MARCHF2: variants seen among roughly 807,000 people sequenced by gnomAD.
MARCHF2 encodes E3 ubiquitin-protein ligase MARCHF2.
In MARCHF2, 22 loss-of-function variants were observed where a neutral mutation model predicts 24.0. That is an observed-to-expected ratio of 0.92 (90% CI 0.66 to 1.31). The LOEUF (loss-of-function observed/expected upper bound fraction) is 1.31, where lower values mean the gene tolerates loss of function less well. Among genes scored for constraint, MARCHF2 ranks in the 50% most tolerant of loss-of-function variants. The pLI, the probability that MARCHF2 is intolerant of heterozygous loss-of-function variation, is 0.00. For synonymous variants in MARCHF2, 154 were observed against 153.0 expected, an observed-to-expected ratio of 1.01 and a Z score of -0.05; for missense variants, 301 against 335.3, an observed-to-expected ratio of 0.90 and a Z score of 0.80.
At position 8,430,968 on chromosome 19, in the gene MARCHF2, G is replaced by A. The variant is rs930120879; in HGVS notation, c.582+101G>A. ...GGCTTGTGGGGCACGGGGCTCCCTG[G>A]CTGCCTCTGTCTATGGCCGTGGGTG... On this transcript the variant is annotated intron_variant, in intron 4 of 4. Coordinates refer to ENST00000215555, the MANE Select transcript of MARCHF2 (RefSeq NM_001005415.2). This position sits in a 1 kb window ranked among gnomAD's most constrained non-coding sequence, Gnocchi z 4.4. 15 of 1,233,806 alleles carry A rather than the reference G, an allele frequency of 1.2e-5. No individual in the cohort carries two copies. The South Asian group carries it at 1.6e-4, about 13-fold the overall frequency. 76.4% of individuals were successfully genotyped at this position (1,233,806 alleles called of 1,614,324 possible).
chr19:8,427,090 C>T (rs1330660220), intron 3 of MARCHF2, among the ~76,000 whole-genome samples: 1 of 152,072 alleles, frequency 6.6e-6, no homozygotes, highest in South Asian at 2.1e-4. Context: ...AACTCTTGTC[C>T]AGGCTGGAGT....
intron 1 of MARCHF2, among the ~76,000 whole-genome samples, chr19:8,421,235 G>A (rs556369431): frequency 6.6e-6 from 1 of 150,926 alleles, no homozygotes; most frequent in Middle Eastern, 3.2e-3. Flanking sequence ...CGATTGTCCC[G>A]CCTCAGCCTC....
chr19:8,422,371 G>A (rs925509066), intron 2 of MARCHF2, among the ~76,000 whole-genome samples: 4 of 152,012 alleles, frequency 2.6e-5, no homozygotes, highest in Admixed American at 1.3e-4. Context: ...AGAGTGACCT[G>A]GGACAAATTA....
At chr19:8,434,459 T>G (rs777659205) in intron 4 of MARCHF2, among the ~76,000 whole-genome samples, 2 of 143,272 alleles carry the variant, frequency 1.4e-5, no homozygotes, top group Non-Finnish European at 3.1e-5. Context: ...GTTTTCATTT[T>G]GCTGGTGTTC....
intron 4 of MARCHF2, among the ~76,000 whole-genome samples, chr19:8,433,611 T>C (rs1967635838): frequency 6.9e-6 from 1 of 144,930 alleles, no homozygotes; most frequent in Non-Finnish European, 1.5e-5. Flanking sequence ...GGGAGGCAGA[T>C]GTTGCAGTGA....
At chr19:8,419,894 C>T (rs1330816893) in intron 1 of MARCHF2, among the ~76,000 whole-genome samples, 1 of 149,484 alleles carries the variant, frequency 6.7e-6, no homozygotes, top group Non-Finnish European at 1.5e-5. Context: ...CGCAGTGGCT[C>T]ACACCTGTAA....
chr19:8,426,526 G>A, intron 2 of MARCHF2, 83 bp from the exon 3 acceptor site: 1 of 1,144,894 alleles, frequency 8.7e-7, no homozygotes, highest in Non-Finnish European at 1.3e-6. Flanking sequence ...TGGGGTAAGG[G>A]TGAGCTTGTG....
intron 1 of MARCHF2, among the ~76,000 whole-genome samples, chr19:8,415,560 A>G (rs1420504813): frequency 6.6e-6 from 1 of 151,436 alleles, no homozygotes; most frequent in African/African-American, 2.4e-5. Flanking sequence ...CTCTACTAAA[A>G]ATACAAATAA....
chr19:8,420,383 A>G (rs1362270223), intron 1 of MARCHF2, among the ~76,000 whole-genome samples: 1 of 149,380 alleles, frequency 6.7e-6, no homozygotes, highest in Non-Finnish European at 1.5e-5. Context: ...TAAAAATACA[A>G]AAACTAGCCA....
Position 8,421,770 on chromosome 19 carries a change from C to T in MARCHF2, c.-52-19C>T, listed in dbSNP as rs546366962. ...GCTCATTAACCTTGCCCCTAACCTCCGCACTGGCCTGTTCCCAGGCTCCTG... is the reference window on the plus strand; with the variant it reads ...GCTCATTAACCTTGCCCCTAACCTCTGCACTGGCCTGTTCCCAGGCTCCTG... On this transcript the variant is annotated intron_variant, in intron 1 of 4. Coordinates refer to ENST00000215555, the MANE Select transcript of MARCHF2 (RefSeq NM_001005415.2). 327 of 1,442,488 alleles carry T rather than the reference C, an allele frequency of 2.3e-4. 1 individual carries two copies. In the African/African-American group the frequency reaches 3.0e-3, roughly 13 times the overall value. 89.4% of individuals were successfully genotyped at this position (1,442,488 alleles called of 1,614,324 possible). A position where few individuals can be genotyped will look rare whatever the true frequency, so the allele number is the denominator to read the frequency against.
intron 4 of MARCHF2, among the ~76,000 whole-genome samples, chr19:8,436,354 C>T (rs1356381122): frequency 6.6e-6 from 1 of 151,822 alleles, no homozygotes; most frequent in Admixed American, 6.6e-5. Flanking sequence ...AGGATGGTCT[C>T]GATCTCTTGA....
At chr19:8,431,052 A>G (rs1599714058) in intron 4 of MARCHF2, among the ~76,000 whole-genome samples, 185 bp downstream of exon 4, 2 of 152,274 alleles carry the variant, frequency 1.3e-5, no homozygotes, top group East Asian at 3.9e-4. Flanking sequence ...AAATGTGACA[A>G]AGGTCTAGGG....
chr19:8,429,364 T>C (rs945605040), intron 3 of MARCHF2, among the ~76,000 whole-genome samples: 1 of 151,598 alleles, frequency 6.6e-6, no homozygotes, highest in Non-Finnish European at 1.5e-5. Flanking sequence ...ATGCCTGTAA[T>C]CCCAGCACTT....
chr19:8,430,581 C>A lies in MARCHF2; in HGVS notation c.373-77C>A. The A allele has an allele frequency of 8.6e-7, 1 of 1,168,620 alleles. No individual in the cohort carries two copies. Among genetic ancestry groups the A allele is most frequent in the Non-Finnish European group, 1.3e-6 (1 of 796,820 alleles). The allele number at this position is 1,168,620 out of a possible 1,614,324, so 72.4% of individuals were successfully genotyped here. A position where few individuals can be genotyped will look rare whatever the true frequency, so the allele number is the denominator to read the frequency against. On this transcript the variant is annotated intron_variant, in intron 3 of 4. Coordinates refer to ENST00000215555, the MANE Select transcript of MARCHF2 (RefSeq NM_001005415.2). This position sits in a 1 kb window ranked among gnomAD's most constrained non-coding sequence, Gnocchi z 4.4. ...GGAAAGGACAGAGGGAGGCCTAGGC[C>A]TGGAGGTCCTTACCCCTCCCCCTCA...
rs1555692176 is a variant in MARCHF2 at position 8,415,745 on chromosome 19, A to AAAAC, written c.-53+2328_-53+2329insCAAA. ...TCAAAAAAAAAAAAACAAAAAAAAC[A>AAAAC]AAAAAAAAAACCAGACAAAAGAAAG... is the stretch of plus-strand genomic sequence containing the variant. On this transcript the variant is annotated intron_variant, in intron 1 of 4. Coordinates refer to ENST00000215555, the MANE Select transcript of MARCHF2 (RefSeq NM_001005415.2). Among the ~76,000 whole-genome samples, 45 of 53,988 alleles carry AAAAC rather than the reference A, an allele frequency of 8.3e-4. 1 individual carries two copies. Among genetic ancestry groups the AAAAC allele is most frequent in the South Asian group, 1.9e-3 (3 of 1,596 alleles). 35.4% of individuals were successfully genotyped at this position (53,988 alleles called of 152,430 possible).
chr19:8,437,374 C>T (rs544382387), intron 4 of MARCHF2, among the ~76,000 whole-genome samples: 22 of 118,064 alleles, frequency 1.9e-4, no homozygotes, highest in Admixed American at 3.5e-4. Flanking sequence ...TTTTTTGAGA[C>T]GGAGTCTCGC....
chr19:8,425,490 C>G (rs1250254583), intron 2 of MARCHF2, among the ~76,000 whole-genome samples: 2 of 152,046 alleles, frequency 1.3e-5, no homozygotes, highest in Non-Finnish European at 1.5e-5. Flanking sequence ...AAGTGATCCT[C>G]CCGCTTCAGC....
chr19:8,435,713 T>C (rs913910135), intron 4 of MARCHF2, among the ~76,000 whole-genome samples: 12 of 146,636 alleles, frequency 8.2e-5, no homozygotes, highest in Non-Finnish European at 1.8e-4. Flanking sequence ...CTAGTTTTTG[T>C]ATTTTTTGTA....
chr19:8,419,717 G>A lies in MARCHF2; in HGVS notation c.-52-2072G>A, dbSNP rs1761701072. ...TGTAGACCCAGCTACTCGGGAGGCTGAGGCAGGAGAATGGCGTGAACCCGG... is the reference window on the plus strand; with the variant it reads ...TGTAGACCCAGCTACTCGGGAGGCTAAGGCAGGAGAATGGCGTGAACCCGG... On this transcript the variant is annotated intron_variant, in intron 1 of 4. Coordinates refer to ENST00000215555, the MANE Select transcript of MARCHF2 (RefSeq NM_001005415.2). Among the ~76,000 whole-genome samples the A allele has an allele frequency of 2.7e-5, 4 of 148,868 alleles. No homozygotes were observed. In the South Asian group the frequency reaches 6.3e-4, roughly 24 times the overall value.
Sources: gnomAD v4.1 joint callset for allele counts (sites outside exome capture counted in the v4.1 genomes callset) on GRCh38, gnomAD v4.1.1 for gene constraint, Gnocchi (gnomAD v3.1) non-coding constraint, MANE v1.5 for transcripts, NCBI Gene and HGNC (gene_info 2026-07-23, HGNC 2026-07-21) for gene names.